The following BRCA1 variants were observed in gnomAD, a reference collection of about 807,000 sequenced individuals.
BRCA1 encodes the protein BRCA1 DNA repair associated, also known as breast cancer type 1 susceptibility protein.
Under a neutral mutation model 173.7 loss-of-function variants are expected in BRCA1, and 140 were observed. The observed-to-expected ratio is 0.81, with a 90% CI of 0.70 to 0.93. The LOEUF (loss-of-function observed/expected upper bound fraction) is 0.93, where lower values mean the gene tolerates loss of function less well. Ranked by LOEUF, BRCA1 falls within the 40% of genes least tolerant of loss-of-function variation. The pLI, the probability that BRCA1 is intolerant of heterozygous loss-of-function variation, is 0.00. For missense variants in BRCA1, 1,983 were observed against 2,172.5 expected, an observed-to-expected ratio of 0.91 and a Z score of 1.73; for synonymous variants, 662 against 756.0, an observed-to-expected ratio of 0.88 and a Z score of 2.04.
intron 3 of BRCA1, among the ~76,000 whole-genome samples, chr17:43,113,961 G>A (rs1330915218): frequency 6.6e-6 from 1 of 152,012 alleles, no homozygotes; most frequent in Non-Finnish European, 1.5e-5. Flanking sequence ...TGTAATCCCA[G>A]CTACTCAAGA....
At chr17:43,138,940 C>T in intron 1 of BRCA1, 2 of 778,826 alleles carry the variant, frequency 2.6e-6, no homozygotes, top group South Asian at 1.3e-5. Context: ...AGCCTGAAAG[C>T]CAGTGGTACA....
intron 19 of BRCA1, among the ~76,000 whole-genome samples, chr17:43,053,200 T>A (rs1366720675): frequency 6.6e-6 from 1 of 152,152 alleles, no homozygotes; most frequent in Non-Finnish European, 1.5e-5. Flanking sequence ...CCTGTATGAA[T>A]AAACCGCACC....
chr17:43,145,329 C>CTTTCT (rs34302247), intron 1 of BRCA1: 104,928 of 398,476 alleles, frequency 0.26, 8,323 homozygotes, highest in South Asian at 0.34. Flanking sequence ...TTTTTTCTTT[C>CTTTCT]TTTTTTTTTT....
At chr17:43,067,379 C>A (rs529147885) in intron 16 of BRCA1, 3 of 406,198 alleles carry the variant, frequency 7.4e-6, no homozygotes, top group South Asian at 2.2e-5. Flanking sequence ...CTCAGCCTCA[C>A]GAGTAGCTGG....
At chr17:43,059,929 G>A (rs181723047) in intron 18 of BRCA1, among the ~76,000 whole-genome samples, 2 of 151,930 alleles carry the variant, frequency 1.3e-5, no homozygotes, top group East Asian at 3.9e-4. Flanking sequence ...TTTTTGAGAC[G>A]GAGTCTTGCT....
At chr17:43,117,470 G>A (rs1480318769) in intron 2 of BRCA1, among the ~76,000 whole-genome samples, 3 of 151,986 alleles carry the variant, frequency 2.0e-5, no homozygotes, top group Admixed American at 6.6e-5. Context: ...GGCCAGACAC[G>A]GGGGCTCATG....
intron 18 of BRCA1, 79 bp downstream of exon 18, chr17:43,063,254 T>C: frequency 8.2e-7 from 1 of 1,213,592 alleles, no homozygotes; most frequent in Non-Finnish European, 1.2e-6. Flanking sequence ...AGTGGTGCAT[T>C]GATGGAAGGA....
intron 1 of BRCA1, chr17:43,164,798 G>T (rs1392831433): frequency 1.3e-5 from 2 of 152,082 alleles, no homozygotes; most frequent in Non-Finnish European, 2.9e-5. Context: ...GGCTGGTGCT[G>T]GTTTACTAGA....
chr17:43,140,034 C>T, intron 1 of BRCA1: 1 of 416,754 alleles, frequency 2.4e-6, no homozygotes, highest in Non-Finnish European at 4.8e-6. Flanking sequence ...GGACTGGTCA[C>T]CAAAAATACC....
At chr17:43,131,702 C>CT (rs898162268) in intron 1 of BRCA1, among the ~76,000 whole-genome samples, 4 of 150,472 alleles carry the variant, frequency 2.7e-5, no homozygotes, top group African/African-American at 9.8e-5. Flanking sequence ...GCCTCGGTGA[C>CT]AGAGCGAGAC....
chr17:43,115,792 G>C lies in BRCA1; in HGVS notation c.81-13C>G, dbSNP rs56328013. ...GATCAACTCCAGACTAGCAGGGTAGGGGGGGAGAAAAAGAAAATAAATGAG... is the reference window on the plus strand; with the variant it reads ...GATCAACTCCAGACTAGCAGGGTAGCGGGGGAGAAAAAGAAAATAAATGAG... On this transcript the variant is annotated splice_polypyrimidine_tract_variant and intron_variant, in intron 2 of 22. Coordinates refer to ENST00000357654, the MANE Select transcript of BRCA1 (RefSeq NM_007294.4). 1.7e-4 allele frequency: 271 copies of C among 1,610,802 alleles called. 2 individuals carry two copies. In the African/African-American group the frequency reaches 3.0e-3, roughly 18 times the overall value.
Position 43,074,329 on chromosome 17 carries a change from A to T in BRCA1, c.4675+2T>A, listed in dbSNP as rs879255293. 1 of 1,613,908 alleles carries T rather than the reference A, an allele frequency of 6.2e-7. No homozygotes were observed. Among genetic ancestry groups the T allele is most frequent in the Non-Finnish European group, 8.5e-7 (1 of 1,179,800 alleles). Reference sequence around the variant, plus strand: ...GTTCCAATACAGCAGATGAAATATTACCTAGATCTTGCCTTGGCAAGTAAG... The same window carrying T: ...GTTCCAATACAGCAGATGAAATATTTCCTAGATCTTGCCTTGGCAAGTAAG... On this transcript the variant is annotated splice_donor_variant, in intron 14 of 22. Coordinates refer to ENST00000357654, the MANE Select transcript of BRCA1 (RefSeq NM_007294.4). LOFTEE classifies it high-confidence loss of function.
At chr17:43,086,109 T>TACACACACACACACACACACAC (rs376686434) in intron 11 of BRCA1, among the ~76,000 whole-genome samples, 2 of 137,360 alleles carry the variant, frequency 1.5e-5, no homozygotes, top group African/African-American at 5.3e-5. Flanking sequence ...ATCACATACA[T>TACACACACACACACACACACAC]ACACACACAC....
rs587780801 is a variant in BRCA1 at position 43,091,784 on chromosome 17, G to T, written c.3747C>A (p.Thr1249=). ...CCTCTGTGTTCTTAGACAGACACTCGGTAGCAACGGTGCTATGCCTAGTAG... is the reference window on the plus strand; with the variant it reads ...CCTCTGTGTTCTTAGACAGACACTCTGTAGCAACGGTGCTATGCCTAGTAG... ...SQSTRHSTVA[T]ECLSKNTEEN... The change falls in exon 10 of 23, where the codon ACC becomes ACA. Residue 1249 remains threonine, a synonymous_variant. Transcript: ENST00000357654. The T allele has an allele frequency of 6.2e-7, 1 of 1,614,078 alleles. No individual in the cohort carries two copies. The highest frequency in any genetic ancestry group is 1.1e-5 in the South Asian group (1 of 91,066).
At chr17:43,068,146 G>A (rs1441836484) in intron 15 of BRCA1, among the ~76,000 whole-genome samples, 5 of 151,444 alleles carry the variant, frequency 3.3e-5, no homozygotes, top group East Asian at 1.9e-4. Context: ...GCGTGGTGGC[G>A]GGCACCTGTA....
chr17:43,087,759 G>A (rs1359283524), intron 11 of BRCA1, among the ~76,000 whole-genome samples: 1 of 151,940 alleles, frequency 6.6e-6, no homozygotes, highest in Non-Finnish European at 1.5e-5. Context: ...TTTTGAGACA[G>A]GGTCTCACCA....
chr17:43,076,987 T>C (rs2052763859), intron 12 of BRCA1, among the ~76,000 whole-genome samples: 1 of 151,728 alleles, frequency 6.6e-6, no homozygotes. Context: ...CCTCAGACAA[T>C]AGGAAAGAAA....
At chr17:43,100,587 T>A (rs1938181009) in intron 6 of BRCA1, among the ~76,000 whole-genome samples, 1 of 95,524 alleles carries the variant, frequency 1.0e-5, no homozygotes, top group Admixed American at 1.2e-4. Flanking sequence ...ATATATAACA[T>A]ATATATATTA....
At chr17:43,150,088 C>T (rs1567833028) in intron 1 of BRCA1, among the ~76,000 whole-genome samples, 1 of 152,116 alleles carries the variant, frequency 6.6e-6, no homozygotes, top group Non-Finnish European at 1.5e-5. Flanking sequence ...CCATGTCCGG[C>T]AAGTTTCTTT....
Sources: allele counts gnomAD v4.1 joint callset (sites outside exome capture counted in the v4.1 genomes callset), GRCh38; gene constraint gnomAD v4.1.1; transcripts MANE v1.5; gene names NCBI Gene and HGNC (gene_info 2026-07-23, HGNC 2026-07-21).